The following C2CD2 variants were observed in gnomAD, a reference collection of about 807,000 sequenced individuals.
C2CD2 encodes the protein C2 domain-containing protein 2.
A neutral mutation model predicts 74.3 loss-of-function variants in C2CD2; 43 were observed. That is an observed-to-expected ratio of 0.58 (90% CI 0.45 to 0.75). The LOEUF (loss-of-function observed/expected upper bound fraction) is 0.75, where lower values mean the gene tolerates loss of function less well. Among genes scored for constraint, C2CD2 ranks in the 30% least tolerant of loss-of-function variants. C2CD2 has a pLI of 0.00. For missense variants in C2CD2, 801 were observed against 916.3 expected (o/e 0.87, Z 1.63); for synonymous variants, 422 against 390.7 (o/e 1.08, Z -0.94).
At chr21:41,925,365 T>C (rs1020410832) in intron 2 of C2CD2, among the ~76,000 whole-genome samples, 1 of 151,360 alleles carries the variant, frequency 6.6e-6, no homozygotes, top group Non-Finnish European at 1.5e-5. Flanking sequence ...GCACCTGTAG[T>C]CCCAGCTACT....
intron 11 of C2CD2, among the ~76,000 whole-genome samples, chr21:41,902,552 G>C (rs931320969): frequency 6.6e-6 from 1 of 152,244 alleles, no homozygotes; most frequent in Non-Finnish European, 1.5e-5. Flanking sequence ...CTGACTCAGA[G>C]CTGATGCTTG....
intron 8 of C2CD2, among the ~76,000 whole-genome samples, 196 bp downstream of exon 8, chr21:41,909,263 A>G (rs1238330853): frequency 1.3e-5 from 2 of 152,232 alleles, no homozygotes; most frequent in Non-Finnish European, 2.9e-5. Flanking sequence ...CCAGTTGAAC[A>G]TTTCCCCAAA....
Position 41,924,955 on chromosome 21 carries a change from T to G in C2CD2, c.379-2870A>C, listed in dbSNP as rs1340123937. Among the ~76,000 whole-genome samples the G allele has an allele frequency of 6.6e-6, 1 of 152,136 alleles. No homozygotes were observed. Among genetic ancestry groups the G allele is most frequent in the East Asian group, 1.9e-4 (1 of 5,194 alleles). On this transcript the variant is annotated intron_variant, in intron 2 of 13. Coordinates refer to ENST00000380486, the MANE Select transcript of C2CD2 (RefSeq NM_015500.2). This position sits in a 1 kb window ranked among gnomAD's most constrained non-coding sequence, Gnocchi z 4.4. ...TAAATAAGTAAATAGATAAAAAGAC[T>G]TTAAAACTTCTAGAATGCGGGACTC...
chr21:41,922,561 G>A (rs1433391374), intron 2 of C2CD2, among the ~76,000 whole-genome samples: 1 of 150,310 alleles, frequency 6.7e-6, no homozygotes, highest in Admixed American at 6.7e-5. Flanking sequence ...TGCAACCTCC[G>A]CCTCCCTGGT....
At chr21:41,909,920 A>AT (rs2146173693) in intron 7 of C2CD2, among the ~76,000 whole-genome samples, 1 of 152,142 alleles carries the variant, frequency 6.6e-6, no homozygotes, top group South Asian at 2.1e-4. Context: ...CAGCTATATA[A>AT]TGACCTAAAG....
rs146600818 is a variant in C2CD2, at chr21:41,953,275, G to A, written c.279+95C>T. On this transcript the variant is annotated intron_variant, in intron 1 of 13. Transcript: ENST00000380486. ...TGGGGGGAGGACTCCCTTAGCCTGG[G>A]TCAGGGGCTGCAGCGACGCCTCCAG... 363 of 808,156 alleles carry A rather than the reference G, an allele frequency of 4.5e-4. 1 individual carries two copies. Among genetic ancestry groups the A allele is most frequent in the Non-Finnish European group, 6.1e-4 (337 of 556,638 alleles). 50.1% of individuals were successfully genotyped at this position (808,156 alleles called of 1,614,324 possible).
chr21:41,930,561 GC>G (rs2065253422), intron 2 of C2CD2, among the ~76,000 whole-genome samples: 1 of 149,428 alleles, frequency 6.7e-6, no homozygotes, highest in African/African-American at 2.4e-5. Flanking sequence ...AATTAGCCGG[GC>G]GTGGTGACAC....
At chr21:41,940,915 T>A (rs1367302017) in intron 2 of C2CD2, among the ~76,000 whole-genome samples, 1 of 152,182 alleles carries the variant, frequency 6.6e-6, no homozygotes, top group Non-Finnish European at 1.5e-5. Context: ...CTAGTTATGC[T>A]GAACATAACT....
chr21:41,940,136 G>A (rs1034069102), intron 2 of C2CD2, among the ~76,000 whole-genome samples: 13 of 152,070 alleles, frequency 8.5e-5, no homozygotes, highest in South Asian at 2.1e-4. Context: ...TCTGATACCC[G>A]AAACACTCCT....
intron 1 of C2CD2, among the ~76,000 whole-genome samples, chr21:41,947,413 T>C (rs2065410561): frequency 6.6e-6 from 1 of 152,076 alleles, no homozygotes; most frequent in South Asian, 2.1e-4. Context: ...CGCCTCAGTC[T>C]CCCAAAGTGC....
chr21:41,910,028 C>G (rs2065008537), intron 7 of C2CD2, among the ~76,000 whole-genome samples: 1 of 149,186 alleles, frequency 6.7e-6, no homozygotes, highest in Admixed American at 6.7e-5. Flanking sequence ...GAGATGAAGT[C>G]TTGCTACGTT....
chr21:41,897,389 C>T (rs558249632), intron 13 of C2CD2, among the ~76,000 whole-genome samples: 2 of 152,288 alleles, frequency 1.3e-5, no homozygotes, highest in Admixed American at 6.5e-5. Context: ...TGTCCCGCTT[C>T]GCCCAGCACT....
In C2CD2 at chr21:41,899,925, C is replaced by T; in HGVS notation, c.1561-563G>A. Among the ~76,000 whole-genome samples the T allele has an allele frequency of 6.7e-6, 1 of 149,146 alleles. No homozygotes were observed. On this transcript the variant is annotated intron_variant, in intron 12 of 13. Transcript: ENST00000380486. This position sits in a 1 kb window ranked among gnomAD's most constrained non-coding sequence, Gnocchi z 4.4. ...GGAGGAGGGCACGGGGGCTCCCTTC[C>T]TTGGAGGGGAGAAAGTTTGGGGAGG...
intron 8 of C2CD2, 138 bp downstream of exon 8, chr21:41,909,321 C>A: frequency 1.7e-6 from 1 of 590,552 alleles, no homozygotes. Context: ...CCAAACATTC[C>A]CATGGGAAAA....
chr21:41,936,420 T>G (rs2146219322), intron 2 of C2CD2, among the ~76,000 whole-genome samples: 1 of 152,280 alleles, frequency 6.6e-6, no homozygotes, highest in East Asian at 1.9e-4. Flanking sequence ...GAATGGCTAT[T>G]AGCAAAAATA....
At chr21:41,938,486 C>T (rs518035) in intron 2 of C2CD2, among the ~76,000 whole-genome samples, 7,436 of 152,180 alleles carry the variant, frequency 0.049, 325 homozygotes, top group East Asian at 0.25. Context: ...CAACCATCAT[C>T]ACCATCCACC....
At chr21:41,931,425 T>TA (rs2065260117) in intron 2 of C2CD2, among the ~76,000 whole-genome samples, 1 of 46,490 alleles carries the variant, frequency 2.2e-5, no homozygotes, top group African/African-American at 7.2e-5. Context: ...GAGAAGAGTG[T>TA]CTTTTTTTTT....
chr21:41,938,235 A>G (rs1219801601), intron 2 of C2CD2, among the ~76,000 whole-genome samples: 1 of 152,160 alleles, frequency 6.6e-6, no homozygotes, highest in Non-Finnish European at 1.5e-5. Context: ...CAATTAAAAA[A>G]AATAAATTTT....
intron 1 of C2CD2, among the ~76,000 whole-genome samples, chr21:41,949,052 A>C (rs1456111250): frequency 6.6e-6 from 1 of 151,916 alleles, no homozygotes; most frequent in East Asian, 1.9e-4. Flanking sequence ...CTACCAGACA[A>C]GCCCAGAGCA....
Sources: gnomAD v4.1 joint callset for allele counts (sites outside exome capture counted in the v4.1 genomes callset) on GRCh38, gnomAD v4.1.1 for gene constraint, Gnocchi (gnomAD v3.1) non-coding constraint, MANE v1.5 for transcripts, NCBI Gene and HGNC (gene_info 2026-07-23, HGNC 2026-07-21) for gene names.